The following TRIO variants were observed in gnomAD, a reference collection of about 807,000 sequenced individuals.
The protein encoded by TRIO is triple functional domain protein.
A neutral mutation model predicts 351.9 loss-of-function variants in TRIO; 58 were observed. The ratio of observed to expected loss-of-function variants is 0.16; its 90% CI spans 0.13 to 0.21. The LOEUF is 0.21. Ranked by LOEUF, TRIO falls within the 10% of genes least tolerant of loss-of-function variation. The pLI is 1.00. For synonymous variants in TRIO, 1,758 were observed against 1,595.7 expected, an observed-to-expected ratio of 1.10 and a Z score of -2.42; for missense variants, 3,201 against 4,027.8, an observed-to-expected ratio of 0.79 and a Z score of 5.56.
At chr5:14,457,231 A>C (rs1753379349) in intron 34 of TRIO, among the ~76,000 whole-genome samples, 1 of 152,174 alleles carries the variant, frequency 6.6e-6, no homozygotes, top group African/African-American at 2.4e-5. Flanking sequence ...TATTCCGGCA[A>C]AATGAAAGAA....
At chr5:14,367,234 G>A (rs930449394) in intron 16 of TRIO, among the ~76,000 whole-genome samples, 1 of 152,288 alleles carries the variant, frequency 6.6e-6, no homozygotes, top group African/African-American at 2.4e-5. Context: ...GGTCTCGGAG[G>A]CCAGGGGGTT....
intron 11 of TRIO, among the ~76,000 whole-genome samples, chr5:14,353,303 GC>G (rs1561380554): frequency 2.9e-5 from 4 of 137,310 alleles, no homozygotes; most frequent in African/African-American, 1.2e-4. Context: ...AGACTGAGTC[GC>G]CCAGGCTGGA....
rs1466899271 is a variant in TRIO at position 14,154,977 on chromosome 5, A to AGTATATCT, written c.157+11096_157+11103dup. Among the ~76,000 whole-genome samples, 73 of 152,242 alleles carry AGTATATCT rather than the reference A, an allele frequency of 4.8e-4. 1 individual carries two copies. Among genetic ancestry groups the AGTATATCT allele is most frequent in the Admixed American group, 3.3e-4 (5 of 15,286 alleles). ...TGGGTTGCTTTTGACCTGCTATTGT[A>AGTATATCT]GTATATCTTTTATTTTAAACTAATA... is the stretch of plus-strand genomic sequence containing the variant. On this transcript the variant is annotated intron_variant, in intron 1 of 56. Coordinates refer to ENST00000344204, the MANE Select transcript of TRIO (RefSeq NM_007118.4).
At chr5:14,432,780 C>T (rs1011372742) in intron 34 of TRIO, among the ~76,000 whole-genome samples, 1 of 152,014 alleles carries the variant, frequency 6.6e-6, no homozygotes, top group Non-Finnish European at 1.5e-5. Context: ...AGATTTTTGC[C>T]CCAAAACTAT....
intron 34 of TRIO, among the ~76,000 whole-genome samples, chr5:14,426,604 A>T (rs538592565): frequency 1.6e-4 from 25 of 152,228 alleles, no homozygotes; most frequent in Non-Finnish European, 3.5e-4. Context: ...TGTTGAACTT[A>T]AAAATGGGAT....
At chr5:14,303,242 G>A (rs1738065850) in intron 7 of TRIO, among the ~76,000 whole-genome samples, 1 of 146,218 alleles carries the variant, frequency 6.8e-6, no homozygotes, top group Admixed American at 6.8e-5. Flanking sequence ...CCGGGATTGG[G>A]ATGGCTGCCG....
chr5:14,286,612 C>T lies in TRIO; in HGVS notation c.348-259C>T, dbSNP rs543887466. ...GACCGTTGTTTTCCTGAAAAGAAGA[C>T]GGGATGCAAAACCATTAATACAAAA... On this transcript the variant is annotated intron_variant, in intron 3 of 56. Transcript: ENST00000344204. This position sits in a 1 kb window ranked among gnomAD's most constrained non-coding sequence, Gnocchi z 4.4. Among the ~76,000 whole-genome samples the T allele has an allele frequency of 3.9e-5, 6 of 152,240 alleles. No individual in the cohort carries two copies. In the East Asian group the frequency reaches 5.8e-4, roughly 15 times the overall value.
chr5:14,485,722 A>T (rs910752670), intron 47 of TRIO, among the ~76,000 whole-genome samples: 1 of 152,220 alleles, frequency 6.6e-6, no homozygotes, highest in Non-Finnish European at 1.5e-5. Context: ...ATGGTGGCTC[A>T]AGCCTATAAT....
intron 4 of TRIO, among the ~76,000 whole-genome samples, chr5:14,289,255 G>A (rs1208595676): frequency 1.3e-5 from 2 of 152,110 alleles, no homozygotes; most frequent in Non-Finnish European, 1.5e-5. Context: ...CGTGGTGTAA[G>A]TCACCTGTAA....
rs535536254 is a variant in TRIO at position 14,502,486 on chromosome 5, G to C, written c.8333-93G>C. On this transcript the variant is annotated intron_variant, in intron 53 of 56. Transcript: ENST00000344204. ...TGTGGCAGGTGCCCGGTGGCCACGC[G>C]CAGCTGCTGTGAGGGACAGTGCGTG... 54 of 1,295,094 alleles carry C rather than the reference G, an allele frequency of 4.2e-5. No individual in the cohort carries two copies. In the East Asian group the frequency reaches 1.3e-3, roughly 30 times the overall value. 80.2% of individuals were successfully genotyped at this position (1,295,094 alleles called of 1,614,324 possible). A position where few individuals can be genotyped will look rare whatever the true frequency, so the allele number is the denominator to read the frequency against.
intron 3 of TRIO, among the ~76,000 whole-genome samples, chr5:14,282,343 A>C (rs1161319111): frequency 2.0e-5 from 3 of 152,224 alleles, no homozygotes; most frequent in Non-Finnish European, 4.4e-5. Context: ...GGGTTAAAAA[A>C]AAAATAACTG....
At chr5:14,495,460 A>G (rs927746199) in intron 49 of TRIO, among the ~76,000 whole-genome samples, 5 of 152,238 alleles carry the variant, frequency 3.3e-5, no homozygotes, top group Non-Finnish European at 5.9e-5. Flanking sequence ...TCAGTGTCAC[A>G]TGCTGCAGGG....
At chr5:14,241,106 T>C (rs117853847) in intron 1 of TRIO, among the ~76,000 whole-genome samples, 1 of 152,352 alleles carries the variant, frequency 6.6e-6, no homozygotes, top group East Asian at 1.9e-4. Context: ...GAATTAAGGC[T>C]TTTAAAATCC....
At chr5:14,346,982 A>G (rs1381673910) in intron 11 of TRIO, among the ~76,000 whole-genome samples, 1 of 152,242 alleles carries the variant, frequency 6.6e-6, no homozygotes, top group Non-Finnish European at 1.5e-5. Context: ...GTTAGATCAG[A>G]CGTGCTGACT....
intron 5 of TRIO, among the ~76,000 whole-genome samples, chr5:14,291,564 T>G (rs1026651618): frequency 6.6e-6 from 1 of 151,750 alleles, no homozygotes; most frequent in Non-Finnish European, 1.5e-5. Context: ...CGAGGTGGGC[T>G]GATCACCTGA....
chr5:14,322,594 G>A (rs1269873391), intron 9 of TRIO, among the ~76,000 whole-genome samples: 1 of 152,184 alleles, frequency 6.6e-6, no homozygotes, highest in Non-Finnish European at 1.5e-5. Flanking sequence ...CAGCTCTGCA[G>A]GAAGCCTGAC....
At chr5:14,331,330 G>A (rs1476129689) in intron 10 of TRIO, among the ~76,000 whole-genome samples, 2 of 152,162 alleles carry the variant, frequency 1.3e-5, no homozygotes, top group Admixed American at 1.3e-4. Flanking sequence ...GGGATTTGTG[G>A]GGTTTGAGCA....
At chr5:14,439,701 C>G (rs561292153) in intron 34 of TRIO, among the ~76,000 whole-genome samples, 6 of 152,300 alleles carry the variant, frequency 3.9e-5, no homozygotes, top group Non-Finnish European at 7.4e-5. Context: ...CTCGCTGGGT[C>G]CTGGCATAAG....
chr5:14,241,635 A>AT (rs764113832), intron 1 of TRIO, among the ~76,000 whole-genome samples: 36 of 152,292 alleles, frequency 2.4e-4, no homozygotes, highest in Admixed American at 7.8e-4. Flanking sequence ...TAAAACTCTG[A>AT]TTTTAGGATG....
Sources: gnomAD v4.1 joint callset for allele counts (sites outside exome capture counted in the v4.1 genomes callset) on GRCh38, gnomAD v4.1.1 for gene constraint, Gnocchi (gnomAD v3.1) non-coding constraint, MANE v1.5 for transcripts, NCBI Gene and HGNC (gene_info 2026-07-23, HGNC 2026-07-21) for gene names.